Variants in PPP3CB observed in about 807,000 individuals in gnomAD.
PPP3CB encodes the protein protein phosphatase 3 catalytic subunit beta, also known as serine/threonine-protein phosphatase 2B catalytic subunit beta isoform.
Under a neutral mutation model 66.4 loss-of-function variants are expected in PPP3CB, and 8 were observed. The ratio of observed to expected loss-of-function variants is 0.12; its 90% CI spans 0.07 to 0.22. The LOEUF (loss-of-function observed/expected upper bound fraction) is 0.22, where lower values mean the gene tolerates loss of function less well. PPP3CB is among the 10% of genes least tolerant of loss of function. PPP3CB has a pLI of 1.00. For missense variants in PPP3CB, 319 were observed against 642.5 expected, an observed-to-expected ratio of 0.50 and a Z score of 5.44; for synonymous variants, 208 against 221.2, an observed-to-expected ratio of 0.94 and a Z score of 0.53.
At chr10:73,466,193 C>A (rs2056615196) in intron 9 of PPP3CB, among the ~76,000 whole-genome samples, 2 of 152,146 alleles carry the variant, frequency 1.3e-5, no homozygotes, top group Non-Finnish European at 2.9e-5. Flanking sequence ...CTCTAAAACC[C>A]TATGATGCCC....
chr10:73,491,022 GT>G (rs528238766), intron 1 of PPP3CB, among the ~76,000 whole-genome samples: 511 of 40,886 alleles, frequency 0.012, no homozygotes, highest in South Asian at 0.03. Context: ...TGTTTTTATT[GT>G]TTTTTTTTTT....
At chr10:73,486,295 GTTTTTTTTTTT>G (rs1206671127) in intron 1 of PPP3CB, among the ~76,000 whole-genome samples, 1 of 117,798 alleles carries the variant, frequency 8.5e-6, no homozygotes, top group African/African-American at 3.4e-5. Flanking sequence ...GGCCAGACTG[GTTTTTTTTTTT>G]TTTTTTTTTT....
intron 10 of PPP3CB, among the ~76,000 whole-genome samples, chr10:73,452,040 C>A (rs182267954): frequency 6.6e-6 from 1 of 151,868 alleles, no homozygotes; most frequent in Non-Finnish European, 1.5e-5. Context: ...GCCACCACAC[C>A]CGGCTGGAAG....
In PPP3CB at chr10:73,467,677, A is replaced by C. The variant is rs368462489; in HGVS notation, c.984T>G (p.Ala328=). The C allele has an allele frequency of 1.3e-6, 2 of 1,547,152 alleles. No individual in the cohort carries two copies. Among genetic ancestry groups the C allele is most frequent in the African/African-American group, 2.8e-5 (2 of 71,696 alleles). ...CATTATTTTCATACTTTAATACAGC[A>C]GCTGCAAGATAAGTTGAACATCAAT... ...PNYLDVYNNK[A]AVLKYENNVM... is the part of the protein sequence containing the mutation. Residue 328 remains alanine, a splice_region_variant and synonymous_variant, in exon 9 of 14, where the codon GCT becomes GCG. Transcript: ENST00000360663.
intron 9 of PPP3CB, among the ~76,000 whole-genome samples, chr10:73,456,209 T>C (rs1013771181): frequency 1.3e-5 from 2 of 152,226 alleles, no homozygotes; most frequent in African/African-American, 4.8e-5. Flanking sequence ...TGTCAAGTAC[T>C]ACATTAAAGC....
chr10:73,467,284 GAAAA>G, intron 9 of PPP3CB: 1 of 140,616 alleles, frequency 7.1e-6, no homozygotes, highest in Non-Finnish European at 1.4e-5. Context: ...TTAAGCTAAA[GAAAA>G]AAAAAAAAAG....
chr10:73,478,359 ATAG>A lies in PPP3CB; in HGVS notation c.411+137_411+139del, dbSNP rs1158354047. 25 of 678,424 alleles carry A rather than the reference ATAG, an allele frequency of 3.7e-5. No individual in the cohort carries two copies. The Admixed American group carries it at 6.9e-4, about 19-fold the overall frequency. 42.0% of individuals were successfully genotyped at this position (678,424 alleles called of 1,614,324 possible). On this transcript the variant is annotated intron_variant, in intron 3 of 13. Transcript: ENST00000360663. ...TGTTTGAAAGACAGAACAGGAATAA[ATAG>A]TAGCTTTTCATAAAAACTTCAGAAT...
intron 9 of PPP3CB, among the ~76,000 whole-genome samples, chr10:73,456,983 T>C (rs944101676): frequency 1.3e-5 from 2 of 152,120 alleles, no homozygotes; most frequent in Non-Finnish European, 2.9e-5. Flanking sequence ...TCTAGAAATA[T>C]ACTAAAACCA....
chr10:73,482,664 C>T (rs182691398), intron 1 of PPP3CB, among the ~76,000 whole-genome samples: 1 of 150,336 alleles, frequency 6.7e-6, no homozygotes, highest in East Asian at 2.0e-4. Context: ...GTCTCCCAGG[C>T]TGGAATGCAG....
intron 9 of PPP3CB, among the ~76,000 whole-genome samples, chr10:73,464,121 G>A (rs761400094): frequency 6.6e-6 from 1 of 152,018 alleles, no homozygotes; most frequent in African/African-American, 2.4e-5. Flanking sequence ...GTGGAGACAG[G>A]GTTTCACCAT....
At chr10:73,464,257 C>T (rs1481413251) in intron 9 of PPP3CB, among the ~76,000 whole-genome samples, 3 of 152,096 alleles carry the variant, frequency 2.0e-5, no homozygotes, top group Admixed American at 2.0e-4. Context: ...CATCTCAATT[C>T]CTATAAAACT....
chr10:73,484,006 T>C (rs936324812), intron 1 of PPP3CB, among the ~76,000 whole-genome samples: 2 of 151,838 alleles, frequency 1.3e-5, no homozygotes, highest in Non-Finnish European at 2.9e-5. Flanking sequence ...TAGCCAGGTG[T>C]GGTGTCGCGC....
chr10:73,460,905 G>A (rs1303462973), intron 9 of PPP3CB, among the ~76,000 whole-genome samples: 1 of 152,206 alleles, frequency 6.6e-6, no homozygotes, highest in Non-Finnish European at 1.5e-5. Context: ...GGTGCCCAGG[G>A]GCAGAGCCCT....
At chr10:73,459,715 C>G (rs1018288272) in intron 9 of PPP3CB, among the ~76,000 whole-genome samples, 3 of 152,178 alleles carry the variant, frequency 2.0e-5, no homozygotes, top group Non-Finnish European at 4.4e-5. Flanking sequence ...AAAGAGCACA[C>G]ACTGTGTGAT....
At chr10:73,467,462 G>T in intron 9 of PPP3CB, 91 bp downstream of exon 9, 1 of 1,025,160 alleles carries the variant, frequency 9.8e-7, no homozygotes, top group Non-Finnish European at 1.3e-6. Flanking sequence ...ACTAGACTTT[G>T]GTTTCCTTTA....
At position 73,495,937 on chromosome 10, in the gene PPP3CB, C is replaced by A; in HGVS notation, c.-48G>T. ...GCTCTGGGCCGGGCGGGGTTGGGGG[C>A]GGGGGCGGCGGCTACCAGAGCCAAG... On this transcript the variant is annotated 5_prime_UTR_variant, in exon 1 of 14. Coordinates refer to ENST00000360663, the MANE Select transcript of PPP3CB (RefSeq NM_021132.4). The A allele has an allele frequency of 5.8e-6, 1 of 173,174 alleles. No individual in the cohort carries two copies. The highest frequency in any genetic ancestry group is 1.0e-5 in the Non-Finnish European group (1 of 99,004). The allele number at this position is 173,174 out of a possible 1,614,324, so 10.7% of individuals were successfully genotyped here. A position where few individuals can be genotyped will look rare whatever the true frequency, so the allele number is the denominator to read the frequency against.
chr10:73,445,298 C>T (rs2056228691), intron 11 of PPP3CB, among the ~76,000 whole-genome samples: 2 of 152,138 alleles, frequency 1.3e-5, no homozygotes, highest in South Asian at 2.1e-4. Context: ...AGTATCCCCT[C>T]CTTCTTATCC....
intron 10 of PPP3CB, among the ~76,000 whole-genome samples, chr10:73,448,094 T>G (rs1321247574): frequency 6.6e-6 from 1 of 152,170 alleles, no homozygotes; most frequent in Non-Finnish European, 1.5e-5. Flanking sequence ...AACATTTTGT[T>G]TTAAAATTGA....
chr10:73,483,252 T>A (rs1479297368), intron 1 of PPP3CB, among the ~76,000 whole-genome samples: 1 of 152,228 alleles, frequency 6.6e-6, no homozygotes, highest in African/African-American at 2.4e-5. Context: ...TTAAAATGTG[T>A]ACAGGTTGAG....
Sources: gnomAD v4.1 joint callset for allele counts (sites outside exome capture counted in the v4.1 genomes callset) on GRCh38, gnomAD v4.1.1 for gene constraint, MANE v1.5 for transcripts, NCBI Gene and HGNC (gene_info 2026-07-23, HGNC 2026-07-21) for gene names.